CELA1: variants seen among roughly 807,000 people sequenced by gnomAD.
CELA1 encodes chymotrypsin like elastase 1, also known as chymotrypsin-like elastase family member 1.
A neutral mutation model predicts 34.8 loss-of-function variants in CELA1; 28 were observed. The ratio of observed to expected loss-of-function variants is 0.80; its 90% CI spans 0.60 to 1.10. The LOEUF is 1.10. Ranked by LOEUF, CELA1 falls within the 50% of genes least tolerant of loss-of-function variation. The probability of loss-of-function intolerance (pLI) is 0.00; values close to 1 mark genes in which losing one functional copy is unlikely to be tolerated. For synonymous variants in CELA1, 140 were observed against 129.8 expected (o/e 1.08, Z -0.53); for missense variants, 288 against 327.5 (o/e 0.88, Z 0.93).
At chr12:51,337,827 T>G (rs1166104557) in intron 6 of CELA1, among the ~76,000 whole-genome samples, 2 of 151,404 alleles carry the variant, frequency 1.3e-5, no homozygotes, top group Non-Finnish European at 2.9e-5. Context: ...GGAAAATCAC[T>G]TGAGCCTGGG....
At chr12:51,341,438 T>C in intron 4 of CELA1, 58 bp from the exon 5 acceptor site, 2 of 1,588,988 alleles carry the variant, frequency 1.3e-6, no homozygotes, top group Non-Finnish European at 8.6e-7. Flanking sequence ...GAGGTCAGCA[T>C]ATACACTGGC....
At chr12:51,346,118 C>G (rs1440969851) in intron 1 of CELA1, among the ~76,000 whole-genome samples, 1 of 152,006 alleles carries the variant, frequency 6.6e-6, no homozygotes, top group Non-Finnish European at 1.5e-5. Context: ...AAGGACCTCT[C>G]TCAAACCACC....
chr12:51,345,733 C>T, intron 2 of CELA1, 62 bp downstream of exon 2: 1 of 1,140,488 alleles, frequency 8.8e-7, no homozygotes, highest in Admixed American at 2.0e-5. Flanking sequence ...ACACATGATA[C>T]CTTATGTCAT....
chr12:51,341,452 C>T (rs1565701862), intron 4 of CELA1, 72 bp from the exon 5 acceptor site: 1 of 1,530,416 alleles, frequency 6.5e-7, no homozygotes, highest in Non-Finnish European at 8.9e-7. Context: ...CACTGGCCCT[C>T]TCTAAGCATT....
intron 1 of CELA1, among the ~76,000 whole-genome samples, chr12:51,346,282 A>T (rs1379018311): frequency 6.8e-6 from 1 of 146,572 alleles, no homozygotes; most frequent in East Asian, 2.1e-4. Context: ...CACCCCAGCC[A>T]GGCACCTGCT....
At chr12:51,332,864 C>G (rs1316551358) in intron 6 of CELA1, among the ~76,000 whole-genome samples, 17 of 150,440 alleles carry the variant, frequency 1.1e-4, no homozygotes, top group Admixed American at 1.1e-3. Context: ...GTCTCAAAAA[C>G]AAACAAACAA....
intron 6 of CELA1, among the ~76,000 whole-genome samples, chr12:51,332,418 G>C (rs189328303): frequency 6.6e-6 from 1 of 152,136 alleles, no homozygotes; most frequent in East Asian, 1.9e-4. Context: ...CACAAAAATA[G>C]CAGTGTAAGT....
At chr12:51,346,600 G>A (rs1012165239) in intron 1 of CELA1, 23 bp downstream of exon 1, 1 of 1,115,586 alleles carries the variant, frequency 9.0e-7, no homozygotes, top group Non-Finnish European at 1.3e-6. Context: ...GACCAGGGTT[G>A]CGACTGGACC....
At chr12:51,345,705 A>T in intron 2 of CELA1, 90 bp downstream of exon 2, 1 of 923,738 alleles carries the variant, frequency 1.1e-6, no homozygotes, top group Non-Finnish European at 1.7e-6. Flanking sequence ...CTGCTTGTTG[A>T]TAGGGACATG....
chr12:51,329,256 A>AT (rs1946453493), intron 7 of CELA1, among the ~76,000 whole-genome samples: 1 of 122,024 alleles, frequency 8.2e-6, no homozygotes, highest in Non-Finnish European at 1.9e-5. Context: ...TCTGTCTCAA[A>AT]AAAAAAAAAA....
chr12:51,345,533 G>T (rs1946560787), intron 2 of CELA1, among the ~76,000 whole-genome samples: 1 of 152,222 alleles, frequency 6.6e-6, no homozygotes, highest in Non-Finnish European at 1.5e-5. Flanking sequence ...TGGCACAAGT[G>T]CTGTCGCTGA....
chr12:51,334,377 G>T (rs1226042235), intron 6 of CELA1, among the ~76,000 whole-genome samples: 2 of 152,156 alleles, frequency 1.3e-5, no homozygotes, highest in African/African-American at 4.8e-5. Context: ...AAACTAGGAT[G>T]AATTGGCTAC....
At chr12:51,333,087 TC>T (rs1946479917) in intron 6 of CELA1, among the ~76,000 whole-genome samples, 2 of 131,954 alleles carry the variant, frequency 1.5e-5, no homozygotes, top group South Asian at 5.7e-4. Context: ...GTAGCCCCAC[TC>T]CCCGTTAATT....
intron 7 of CELA1, among the ~76,000 whole-genome samples, chr12:51,329,326 C>T (rs1271273157): frequency 6.6e-6 from 1 of 151,370 alleles, no homozygotes; most frequent in Non-Finnish European, 1.5e-5. Flanking sequence ...GAGAGGAAGT[C>T]GGTGCCTCCT....
chr12:51,342,811 A>AT, intron 3 of CELA1, 111 bp from the exon 4 acceptor site: 47 of 1,274,034 alleles, frequency 3.7e-5, no homozygotes, highest in Middle Eastern at 2.8e-4. Context: ...TTATTTAGGA[A>AT]ATTTTTTTTT....
Position 51,346,004 on chromosome 12 carries a change from G to A in CELA1, c.17-127C>T, listed in dbSNP as rs1489597753. On this transcript the variant is annotated intron_variant, in intron 1 of 7. Transcript: ENST00000293636. ...TGCAAATTCACAGTTCCTCTCTAAC[G>A]AATGAGGGGCCCAGCTGTGAGTTCT... The A allele has an allele frequency of 9.1e-6, 6 of 658,624 alleles. No individual in the cohort carries two copies. The East Asian group carries it at 1.1e-4, about 12-fold the overall frequency. The allele number at this position is 658,624 out of a possible 1,614,324, so 40.8% of individuals were successfully genotyped here.
chr12:51,343,296 G>A (rs2137483609), intron 3 of CELA1, among the ~76,000 whole-genome samples: 1 of 152,252 alleles, frequency 6.6e-6, no homozygotes, highest in South Asian at 2.1e-4. Context: ...GCCTCACCCT[G>A]GACCTACCAA....
intron 5 of CELA1, among the ~76,000 whole-genome samples, 171 bp downstream of exon 5, chr12:51,341,073 A>G (rs1441106047): frequency 6.6e-6 from 1 of 152,170 alleles, no homozygotes; most frequent in African/African-American, 2.4e-5. Flanking sequence ...TCTGTCAACT[A>G]CTTCACAGCC....
rs367716836 is a variant in CELA1, at chr12:51,342,716, G to T, written c.201-16C>A. ...AGTCTTCTGGCTGGCGTGAGAGAAG[G>T]AATCCCTGAGTCATCCAGGGGACTC... is the stretch of plus-strand genomic sequence containing the variant. On this transcript the variant is annotated splice_polypyrimidine_tract_variant and intron_variant, in intron 3 of 7. Transcript: ENST00000293636. The T allele has an allele frequency of 7.0e-5, 113 of 1,613,894 alleles. No homozygotes were observed. In the African/African-American group the frequency reaches 1.2e-3, roughly 17 times the overall value.
Sources: allele counts gnomAD v4.1 joint callset (sites outside exome capture counted in the v4.1 genomes callset), GRCh38; gene constraint gnomAD v4.1.1; transcripts MANE v1.5; gene names NCBI Gene and HGNC (gene_info 2026-07-23, HGNC 2026-07-21).